PPHLN1: variants seen among roughly 807,000 people sequenced by gnomAD.
PPHLN1 encodes the protein periphilin 1.
In PPHLN1, 29 loss-of-function variants were observed where a neutral mutation model predicts 51.3. The observed-to-expected ratio is 0.57, with a 90% CI of 0.42 to 0.77. PPHLN1 has a LOEUF of 0.77. Ranked by LOEUF, PPHLN1 falls within the 30% of genes least tolerant of loss-of-function variation. The pLI, the probability that PPHLN1 is intolerant of heterozygous loss-of-function variation, is 0.00. For missense variants in PPHLN1, 436 were observed against 438.4 expected (o/e 0.99, Z 0.05); for synonymous variants, 147 against 147.8 (o/e 0.99, Z 0.04).
At chr12:42,416,711 A>T (rs1312687180) in intron 9 of PPHLN1, among the ~76,000 whole-genome samples, 1 of 152,242 alleles carries the variant, frequency 6.6e-6, no homozygotes. Flanking sequence ...AACCACTCAG[A>T]GTTAGTACAG....
chr12:42,340,785 A>G (rs947354228), intron 2 of PPHLN1, among the ~76,000 whole-genome samples: 1 of 152,112 alleles, frequency 6.6e-6, no homozygotes, highest in African/African-American at 2.4e-5. Context: ...ACTTTTTTAT[A>G]TGTATGGCAT....
At chr12:42,355,263 G>T in intron 4 of PPHLN1, 41 bp downstream of exon 4, 2 of 1,517,654 alleles carry the variant, frequency 1.3e-6, no homozygotes, top group South Asian at 2.3e-5. Context: ...TTTGATACTT[G>T]ACTCACTGTG....
chr12:42,344,403 G>T (rs932767876), intron 2 of PPHLN1, among the ~76,000 whole-genome samples: 1 of 152,128 alleles, frequency 6.6e-6, no homozygotes, highest in Non-Finnish European at 1.5e-5. Flanking sequence ...CAGCTTCATT[G>T]CCAATCTTGT....
chr12:42,446,512 C>G (rs2083331495), downstream of PPHLN1: 1 of 1,525,414 alleles, frequency 6.6e-7, no homozygotes, highest in Non-Finnish European at 8.9e-7. Context: ...AAGACCCCCA[C>G]TCCTGGGGGT....
intron 9 of PPHLN1, among the ~76,000 whole-genome samples, chr12:42,414,330 C>T (rs777856817): frequency 2.6e-5 from 4 of 152,076 alleles, no homozygotes; most frequent in East Asian, 1.9e-4. Flanking sequence ...CCACCGCGGC[C>T]GGCGATGTTG....
intron 9 of PPHLN1, among the ~76,000 whole-genome samples, chr12:42,415,478 G>A (rs1463748817): frequency 3.3e-5 from 5 of 152,156 alleles, no homozygotes; most frequent in African/African-American, 7.2e-5. Context: ...GCCAAAACCT[G>A]TCATTTTCTT....
chr12:42,443,808 A>G (rs2083142411), downstream of PPHLN1: 1 of 152,268 alleles, frequency 6.6e-6, no homozygotes, highest in Admixed American at 6.5e-5. Flanking sequence ...AGATTGGCCT[A>G]TAGTTGTTAC....
chr12:42,407,623 C>T (rs993912487), intron 9 of PPHLN1, among the ~76,000 whole-genome samples: 1 of 152,182 alleles, frequency 6.6e-6, no homozygotes, highest in Non-Finnish European at 1.5e-5. Flanking sequence ...GAATTGGTTT[C>T]AGGACACCTC....
chr12:42,392,297 GT>G (rs1325919964), intron 7 of PPHLN1, among the ~76,000 whole-genome samples: 1 of 152,108 alleles, frequency 6.6e-6, no homozygotes, highest in Non-Finnish European at 1.5e-5. Context: ...CCATCATTCA[GT>G]TTTTTAGTTT....
intron 9 of PPHLN1, among the ~76,000 whole-genome samples, chr12:42,437,754 GTATAA>G (rs1350669756): frequency 6.6e-6 from 1 of 152,132 alleles, no homozygotes; most frequent in African/African-American, 2.4e-5. Context: ...TTTGACAAAT[GTATAA>G]TATATCATTC....
intron 9 of PPHLN1, among the ~76,000 whole-genome samples, chr12:42,421,311 A>C (rs1236287570): frequency 1.3e-5 from 2 of 152,158 alleles, no homozygotes; most frequent in African/African-American, 4.8e-5. Flanking sequence ...AAATTGATCC[A>C]GAAAGACTCT....
intron 4 of PPHLN1, among the ~76,000 whole-genome samples, chr12:42,360,511 C>T (rs1858848995): frequency 7.6e-6 from 1 of 132,260 alleles, no homozygotes; most frequent in Non-Finnish European, 1.5e-5. Context: ...ACTCTTGTCA[C>T]CCAGGCTGAG....
chr12:42,424,713 G>A (rs528297732), intron 9 of PPHLN1, among the ~76,000 whole-genome samples: 10 of 152,042 alleles, frequency 6.6e-5, no homozygotes, highest in African/African-American at 2.4e-4. Flanking sequence ...ACCCCCACTC[G>A]CTTCAGCCAC....
chr12:42,333,632 G>A (rs1336322487), intron 1 of PPHLN1, among the ~76,000 whole-genome samples: 1 of 151,848 alleles, frequency 6.6e-6, no homozygotes, highest in Non-Finnish European at 1.5e-5. Flanking sequence ...ACAGGCGCCC[G>A]CCACCACGCC....
chr12:42,396,813 C>T (rs1433301703), intron 8 of PPHLN1, among the ~76,000 whole-genome samples: 39 of 145,126 alleles, frequency 2.7e-4, no homozygotes, highest in Middle Eastern at 6.9e-3. Context: ...ATGGGGACAG[C>T]GGGGCAGGTA....
downstream of PPHLN1, chr12:42,442,644 C>A: frequency 6.2e-7 from 1 of 1,614,154 alleles, no homozygotes; most frequent in Non-Finnish European, 8.5e-7. Context: ...CGGCCAGAGT[C>A]TGCAGGACAG....
chr12:42,372,636 C>T (rs1026505098), intron 4 of PPHLN1, among the ~76,000 whole-genome samples: 29 of 152,072 alleles, frequency 1.9e-4, no homozygotes, highest in African/African-American at 6.8e-4. Context: ...TTTAGCCCCA[C>T]GTTCTAGGCC....
At chr12:42,419,098 C>T (rs2080745933) in intron 9 of PPHLN1, among the ~76,000 whole-genome samples, 1 of 152,148 alleles carries the variant, frequency 6.6e-6, no homozygotes, top group Non-Finnish European at 1.5e-5. Context: ...AGTAGGGTTA[C>T]CTAGCACCCC....
rs189105162 is a variant in PPHLN1, at chr12:42,377,975, T to G, written c.511+2901T>G. Reference sequence around the variant, plus strand: ...CACTCATCCTTTGAGAGCTCATACCTTTAATATTTGGGGTAATTTAAAAAT... The same window carrying G: ...CACTCATCCTTTGAGAGCTCATACCGTTAATATTTGGGGTAATTTAAAAAT... On this transcript the variant is annotated intron_variant, in intron 5 of 9. Coordinates refer to ENST00000358314, the MANE Select transcript of PPHLN1 (RefSeq NM_201439.2). 2.6e-3 allele frequency among the ~76,000 whole-genome samples: 400 copies of G among 152,280 alleles called. 2 individuals are homozygous for G. The highest frequency in any genetic ancestry group is 9.2e-3 in the African/African-American group (382 of 41,556).
Sources: allele counts gnomAD v4.1 joint callset (sites outside exome capture counted in the v4.1 genomes callset), GRCh38; gene constraint gnomAD v4.1.1; transcripts MANE v1.5; gene names NCBI Gene and HGNC (gene_info 2026-07-23, HGNC 2026-07-21).